SYTL2: variants seen among roughly 807,000 people sequenced by gnomAD.
SYTL2 encodes synaptotagmin like 2, also known as synaptotagmin-like protein 2.
Under a neutral mutation model 198.7 loss-of-function variants are expected in SYTL2, and 165 were observed. The observed-to-expected ratio is 0.83, with a 90% CI of 0.73 to 0.94. The LOEUF is 0.94. Ranked by LOEUF, SYTL2 falls within the 40% of genes least tolerant of loss-of-function variation. The pLI is 0.00. For missense variants in SYTL2, 2,835 were observed against 2,582.8 expected, an observed-to-expected ratio of 1.10 and a Z score of -2.12; for synonymous variants, 966 against 917.7, an observed-to-expected ratio of 1.05 and a Z score of -0.95.
intron 15 of SYTL2, among the ~76,000 whole-genome samples, chr11:85,706,876 C>CTT (rs58509077): frequency 0.75 from 114,088 of 151,878 alleles, 43,394 homozygotes; most frequent in African/African-American, 0.88. Flanking sequence ...GAGTTTCACT[C>CTT]GTCACCCATG....
At chr11:85,781,821 C>T (rs568448788) in intron 1 of SYTL2, among the ~76,000 whole-genome samples, 1 of 152,360 alleles carries the variant, frequency 6.6e-6, no homozygotes, top group African/African-American at 2.4e-5. Flanking sequence ...AAAAGGTTGG[C>T]TCCCACAGCC....
chr11:85,845,391 T>C, the SYTL2 span, among the ~76,000 whole-genome samples: 3,097 of 152,316 alleles, frequency 0.02, 112 homozygotes, highest in African/African-American at 0.069. Context: ...ATTATTATTG[T>C]CTTGAATTGC....
chr11:85,713,388 C>T (rs1267995208), intron 12 of SYTL2, among the ~76,000 whole-genome samples: 2 of 152,188 alleles, frequency 1.3e-5, no homozygotes, highest in Non-Finnish European at 2.9e-5. Context: ...TGTGTTTTCC[C>T]TGCATTATCC....
At chr11:85,827,925 T>C in the SYTL2 span, among the ~76,000 whole-genome samples, 10 of 152,206 alleles carry the variant, frequency 6.6e-5, no homozygotes, top group African/African-American at 2.2e-4. Context: ...GCAACCTCAA[T>C]GTGGCCATTG....
Position 85,696,171 on chromosome 11 carries a change from A to G in SYTL2, c.6574+12T>C. 2 of 1,612,924 alleles carry G rather than the reference A, an allele frequency of 1.2e-6. No individual in the cohort carries two copies. The highest frequency in any genetic ancestry group is 1.7e-6 in the Non-Finnish European group (2 of 1,179,142). ...TTGGCTCATGGAGAATTAAAAATGTAGCAAACAGTACCTGTTCCAAAGCCA... is the reference window on the plus strand; with the variant it reads ...TTGGCTCATGGAGAATTAAAAATGTGGCAAACAGTACCTGTTCCAAAGCCA... On this transcript the variant is annotated intron_variant, in intron 19 of 19. Coordinates refer to ENST00000359152, the MANE Select transcript of SYTL2 (RefSeq NM_206927.4).
intron 1 of SYTL2, among the ~76,000 whole-genome samples, chr11:85,777,869 G>A (rs572357869): frequency 3.3e-5 from 4 of 121,892 alleles, no homozygotes; most frequent in African/African-American, 9.3e-5. Context: ...TGCCCAGGCT[G>A]GAGTGCAATG....
chr11:85,775,584 G>C lies in SYTL2; in HGVS notation c.-389-17470C>G, dbSNP rs537455655. 6.0e-4 allele frequency among the ~76,000 whole-genome samples: 92 copies of C among 152,272 alleles called. 2 individuals are homozygous for C. The highest frequency in any genetic ancestry group is 2.2e-3 in the African/African-American group (90 of 41,554). On this transcript the variant is annotated intron_variant, in intron 1 of 19. Coordinates refer to ENST00000359152, the MANE Select transcript of SYTL2 (RefSeq NM_206927.4). ...TCCAGCCTCCACCTCCTGGGTTCAA[G>C]TGATTCTCCTGCCCCAGCGTCCAGA...
intron 15 of SYTL2, 64 bp downstream of exon 15, chr11:85,707,365 C>A (rs746145503): frequency 5.6e-5 from 61 of 1,091,716 alleles, no homozygotes; most frequent in Non-Finnish European, 8.0e-5. Context: ...GAGCTACTAC[C>A]CAAAGAAGAC....
At chr11:85,729,668 A>G (rs892752254) in intron 7 of SYTL2, among the ~76,000 whole-genome samples, 29 of 152,206 alleles carry the variant, frequency 1.9e-4, no homozygotes, top group Admixed American at 1.8e-3. Context: ...CCCTAACATC[A>G]CAATTAGAAA....
At chr11:85,746,812 C>T (rs1009583123) in intron 3 of SYTL2, among the ~76,000 whole-genome samples, 5 of 152,192 alleles carry the variant, frequency 3.3e-5, no homozygotes, top group African/African-American at 1.2e-4. Flanking sequence ...AGCAGTCAGT[C>T]CTTTTCTGCA....
Position 85,727,901 on chromosome 11 carries a change from T to G in SYTL2, c.1457A>C (p.Gln486Pro). 2 of 1,613,922 alleles carry G rather than the reference T, an allele frequency of 1.2e-6. No individual in the cohort carries two copies. The highest frequency in any genetic ancestry group is 1.7e-6 in the Non-Finnish European group (2 of 1,179,938). The change falls in exon 8 of 20, where the codon CAG becomes CCG. Residue 486 changes from glutamine to proline, a missense_variant. Gln to Pro is a moderately conservative substitution (Grantham distance 76). This residue lies in a region of SYTL2 where 2,645 missense variants were observed against 2,381.7 expected (regional missense o/e 1.11). Coordinates refer to ENST00000359152, the MANE Select transcript of SYTL2 (RefSeq NM_206927.4). ...CGGGAGAGGAGGGGGCTTACCTTGC[T>G]GACGGTCTCTAGAACTGCCACCTGG... ...QVPGGSSRDR[Q>P]QGKPPPLPAL... is the part of the protein sequence containing the mutation.
chr11:85,714,521 T>C lies in SYTL2; in HGVS notation c.5531-14A>G, dbSNP rs747085879. ...GCACTGTGGAAACTAAACAGCAGCA[T>C]TTCCATTTCAAAATTATTCTTACAA... On this transcript the variant is annotated splice_polypyrimidine_tract_variant and intron_variant, in intron 11 of 19. Transcript: ENST00000359152. 4 of 1,605,282 alleles carry C rather than the reference T, an allele frequency of 2.5e-6. No individual in the cohort carries two copies. Among genetic ancestry groups the C allele is most frequent in the Non-Finnish European group, 3.4e-6 (4 of 1,172,830 alleles).
At chr11:85,795,572 T>C (rs994864011) in intron 1 of SYTL2, among the ~76,000 whole-genome samples, 2 of 152,218 alleles carry the variant, frequency 1.3e-5, no homozygotes, top group Non-Finnish European at 2.9e-5. Flanking sequence ...TACTATAATG[T>C]GCTGCTTATG....
chr11:85,829,887 T>C, the SYTL2 span, among the ~76,000 whole-genome samples: 292 of 152,344 alleles, frequency 1.9e-3, 1 homozygote, highest in African/African-American at 6.7e-3. Context: ...TGGAAGAAGG[T>C]AGGTATTCCA....
intron 1 of SYTL2, among the ~76,000 whole-genome samples, chr11:85,787,322 C>T (rs998697791): frequency 6.6e-6 from 1 of 152,210 alleles, no homozygotes; most frequent in Admixed American, 6.5e-5. Flanking sequence ...TAGATGATCA[C>T]TAAATGTTTT....
rs916524804 is a variant in SYTL2, at chr11:85,724,771, T to C, written c.4587A>G (p.Ile1529Met). Reference sequence around the variant, plus strand: ...CTCGCCTGGGCTCCTCTGTACTACCTATTAACTTTGATGGAGAAAGATTCC... The same window carrying C: ...CTCGCCTGGGCTCCTCTGTACTACCCATTAACTTTGATGGAGAAAGATTCC... Reference protein sequence around the residue: ...DTGNLSPSKLIGSTEEPRRAT... With the variant: ...DTGNLSPSKLMGSTEEPRRAT... Residue 1529 changes from isoleucine (I) to methionine (M), a missense_variant, in exon 8 of 20, where the codon ATA becomes ATG. By Grantham distance (10) the Ile-to-Met change is conservative (BLOSUM62 1). Around this residue, in one of 3 missense-constraint regions of SYTL2, gnomAD observed 2,645 missense variants for 2,381.7 expected, o/e 1.11. Transcript: ENST00000359152. 4.3e-6 allele frequency: 7 copies of C among 1,612,980 alleles called. No individual in the cohort carries two copies. Among genetic ancestry groups the C allele is most frequent in the Non-Finnish European group, 4.2e-6 (5 of 1,179,700 alleles).
chr11:85,741,707 C>T (rs539006517), intron 4 of SYTL2, among the ~76,000 whole-genome samples: 8 of 152,058 alleles, frequency 5.3e-5, no homozygotes, highest in Non-Finnish European at 8.8e-5. Context: ...TAGGGGTAAA[C>T]GCAATAGCTA....
chr11:85,821,805 C>T, the SYTL2 span, among the ~76,000 whole-genome samples: 38 of 152,202 alleles, frequency 2.5e-4, 1 homozygote, highest in Non-Finnish European at 1.5e-5. Context: ...TACACATGAG[C>T]ATGTGGCAGA....
intron 17 of SYTL2, among the ~76,000 whole-genome samples, chr11:85,698,398 C>G (rs2153363212): frequency 6.6e-6 from 1 of 152,308 alleles, no homozygotes; most frequent in South Asian, 2.1e-4. Flanking sequence ...CAGTTATATT[C>G]AAAACATTTC....
Sources: allele counts gnomAD v4.1 joint callset (sites outside exome capture counted in the v4.1 genomes callset), GRCh38; gene constraint gnomAD v4.1.1; regional missense constraint gnomAD v4.1.1; transcripts MANE v1.5; gene names NCBI Gene and HGNC (gene_info 2026-07-23, HGNC 2026-07-21).